COL4A1: variants seen among roughly 807,000 people sequenced by gnomAD.
COL4A1 encodes the protein collagen type IV alpha 1 chain.
A neutral mutation model predicts 216.6 loss-of-function variants in COL4A1; 40 were observed. The observed-to-expected ratio is 0.18, with a 90% CI of 0.14 to 0.24. The LOEUF is 0.24. Ranked by LOEUF, COL4A1 falls within the 10% of genes least tolerant of loss-of-function variation. The pLI, the probability that COL4A1 is intolerant of heterozygous loss-of-function variation, is 1.00. For synonymous variants in COL4A1, 839 were observed against 810.7 expected, an observed-to-expected ratio of 1.03 and a Z score of -0.59; for missense variants, 1,628 against 2,196.8, an observed-to-expected ratio of 0.74 and a Z score of 5.18.
intron 24 of COL4A1, among the ~76,000 whole-genome samples, chr13:110,190,025 T>G (rs1340186364): frequency 6.6e-6 from 1 of 152,222 alleles, no homozygotes; most frequent in Non-Finnish European, 1.5e-5. Flanking sequence ...CAAACATCAT[T>G]ATATTATTTT....
intron 1 of COL4A1, among the ~76,000 whole-genome samples, chr13:110,260,747 C>T (rs1251350713): frequency 1.3e-5 from 2 of 152,166 alleles, no homozygotes; most frequent in South Asian, 2.1e-4. Context: ...GTGAACTCTA[C>T]ACTTAAAAAT....
chr13:110,206,792 G>A (rs1231446392), intron 14 of COL4A1, 73 bp downstream of exon 14: 6 of 1,607,686 alleles, frequency 3.7e-6, no homozygotes, highest in Non-Finnish European at 5.1e-6. Flanking sequence ...TTAAACTTAA[G>A]GTGAAAAAAA....
intron 2 of COL4A1, among the ~76,000 whole-genome samples, chr13:110,227,323 C>T (rs563750622): frequency 4.4e-4 from 67 of 150,868 alleles, no homozygotes; most frequent in Non-Finnish European, 7.5e-4. Flanking sequence ...CACTTTCCCA[C>T]GTATATGGAT....
chr13:110,156,040 C>T (rs1876771027), intron 49 of COL4A1, among the ~76,000 whole-genome samples: 1 of 152,202 alleles, frequency 6.6e-6, no homozygotes, highest in Non-Finnish European at 1.5e-5. Flanking sequence ...GGCCACTGCT[C>T]TACGGCCTGG....
At chr13:110,240,757 A>T (rs1881527532) in intron 2 of COL4A1, among the ~76,000 whole-genome samples, 1 of 152,250 alleles carries the variant, frequency 6.6e-6, no homozygotes, top group African/African-American at 2.4e-5. Context: ...TGGAGATGTC[A>T]GTTGACAGGT....
chr13:110,176,217 A>T (rs910470305), intron 36 of COL4A1, among the ~76,000 whole-genome samples: 1 of 152,290 alleles, frequency 6.6e-6, no homozygotes, highest in Admixed American at 6.5e-5. Flanking sequence ...TTAGATGGTG[A>T]GTTTTCTTAG....
intron 42 of COL4A1, among the ~76,000 whole-genome samples, chr13:110,169,982 C>T (rs1043154072): frequency 2.2e-5 from 3 of 136,724 alleles, no homozygotes; most frequent in Admixed American, 7.7e-5. Context: ...AACACTGGAC[C>T]GACAATGTGA....
chr13:110,152,517 G>A lies in COL4A1; in HGVS notation c.4756-11C>T. 6.2e-7 allele frequency: 1 copy of A among 1,605,782 alleles called. No homozygotes were observed. The highest frequency in any genetic ancestry group is 8.5e-7 in the Non-Finnish European group (1 of 1,178,686). The stretch of plus-strand genomic sequence containing the variant: ...ACCAGCGCTGGTGTGCTGCAGAACA[G>A]ATGCGAGCCGTGAGTCAGAGGTTCC... On this transcript the variant is annotated splice_polypyrimidine_tract_variant and intron_variant, in intron 50 of 51. Transcript: ENST00000375820.
chr13:110,219,664 A>G (rs200412364), intron 2 of COL4A1, among the ~76,000 whole-genome samples: 12,435 of 73,808 alleles, frequency 0.17, 777 homozygotes, highest in East Asian at 0.47. Context: ...ATATATATGT[A>G]TATATATATA....
intron 1 of COL4A1, among the ~76,000 whole-genome samples, chr13:110,259,522 C>T (rs949699848): frequency 1.3e-5 from 2 of 152,182 alleles, no homozygotes; most frequent in African/African-American, 4.8e-5. Context: ...TCTTCTGTTG[C>T]ACTCTGCTGA....
chr13:110,256,314 T>C (rs1220763568), intron 1 of COL4A1, among the ~76,000 whole-genome samples: 1 of 152,140 alleles, frequency 6.6e-6, no homozygotes, highest in African/African-American at 2.4e-5. Flanking sequence ...ACAGGATGAT[T>C]GCAACAAACC....
intron 2 of COL4A1, among the ~76,000 whole-genome samples, chr13:110,239,622 A>T (rs1216810172): frequency 6.6e-6 from 1 of 152,226 alleles, no homozygotes; most frequent in East Asian, 1.9e-4. Context: ...AAACCAGTAG[A>T]TTTGTATTCC....
At chr13:110,214,093 C>T (rs1325359846) in intron 2 of COL4A1, 78 bp from the exon 3 acceptor site, 28 of 1,131,342 alleles carry the variant, frequency 2.5e-5, no homozygotes, top group Non-Finnish European at 3.5e-5. Flanking sequence ...ACTGTGATGG[C>T]TATATATATA....
intron 29 of COL4A1, among the ~76,000 whole-genome samples, chr13:110,179,860 G>GT (rs1208873840): frequency 6.6e-6 from 1 of 152,176 alleles, no homozygotes; most frequent in Non-Finnish European, 1.5e-5. Context: ...CAGTTATTTA[G>GT]TTTTTTGGAT....
chr13:110,301,629 C>T (rs182988023), intron 1 of COL4A1, among the ~76,000 whole-genome samples: 32 of 152,206 alleles, frequency 2.1e-4, no homozygotes, highest in African/African-American at 6.5e-4. Flanking sequence ...CACTCTGACT[C>T]GAGAGGGGAT....
At chr13:110,184,240 C>A (rs1878305107) in intron 26 of COL4A1, among the ~76,000 whole-genome samples, 1 of 152,202 alleles carries the variant, frequency 6.6e-6, no homozygotes, top group Non-Finnish European at 1.5e-5. Context: ...CAGAAGCCTT[C>A]TTCCCCATCT....
At chr13:110,167,019 C>A in intron 44 of COL4A1, 139 bp downstream of exon 44, 1 of 783,144 alleles carries the variant, frequency 1.3e-6, no homozygotes, top group Non-Finnish European at 2.3e-6. Context: ...ACAGAAATGC[C>A]ATTTTTAATT....
chr13:110,225,626 G>A (rs1880703072), intron 2 of COL4A1, among the ~76,000 whole-genome samples: 1 of 152,168 alleles, frequency 6.6e-6, no homozygotes, highest in Non-Finnish European at 1.5e-5. Context: ...ATTTTCATGA[G>A]TGACTCAGGA....
At chr13:110,289,901 T>C (rs1457041824) in intron 1 of COL4A1, among the ~76,000 whole-genome samples, 2 of 152,164 alleles carry the variant, frequency 1.3e-5, no homozygotes, top group African/African-American at 4.8e-5. Context: ...AGAGACGGAA[T>C]GAGGGTCAGC....
Sources: allele counts gnomAD v4.1 joint callset (sites outside exome capture counted in the v4.1 genomes callset), GRCh38; gene constraint gnomAD v4.1.1; transcripts MANE v1.5; gene names NCBI Gene and HGNC (gene_info 2026-07-23, HGNC 2026-07-21).